FANCL: variants seen among roughly 807,000 people sequenced by gnomAD.
The protein encoded by FANCL is E3 ubiquitin-protein ligase FANCL.
FANCL carries 69 observed loss-of-function variants against 59.4 expected under a neutral mutation model. The ratio of observed to expected loss-of-function variants is 1.16; its 90% confidence interval spans 0.96 to 1.42. FANCL has a LOEUF of 1.42. FANCL is among the 40% of genes most tolerant of loss of function. FANCL has a pLI of 0.00. For missense variants in FANCL, 519 were observed against 447.2 expected (o/e 1.16, Z -1.45); for synonymous variants, 180 against 147.1 (o/e 1.22, Z -1.62).
intron 1 of FANCL, among the ~76,000 whole-genome samples, chr2:58,233,943 C>T (rs886510130): frequency 3.3e-5 from 5 of 152,006 alleles, no homozygotes; most frequent in African/African-American, 7.2e-5. Context: ...GGCTCTTATA[C>T]GAGTAAATAA....
intron 6 of FANCL, among the ~76,000 whole-genome samples, chr2:58,200,507 T>C (rs1689890544): frequency 6.6e-6 from 1 of 152,076 alleles, no homozygotes; most frequent in Non-Finnish European, 1.5e-5. Context: ...TTTATCTTAG[T>C]GATGCTGACA....
rs752366828 is a variant in FANCL, at chr2:58,163,090, A to C, written c.776-16T>G. 1.2e-6 allele frequency: 2 copies of C among 1,606,976 alleles called. No homozygotes were observed. The highest frequency in any genetic ancestry group is 1.1e-5 in the South Asian group (1 of 90,424). ...GGTTTTACCACTTCAGATTAAAAAA[A>C]AAAAATTTAATAATTGCATGCTCTA... On this transcript the variant is annotated splice_polypyrimidine_tract_variant and intron_variant, in intron 9 of 13. Coordinates refer to ENST00000233741, the MANE Select transcript of FANCL (RefSeq NM_018062.4).
intron 1 of FANCL, 57 bp downstream of exon 1, chr2:58,241,161 C>T: frequency 6.3e-7 from 1 of 1,584,792 alleles, no homozygotes; most frequent in Non-Finnish European, 8.7e-7. Context: ...CAGACTTCTC[C>T]GCGCAGCTAC....
At chr2:58,203,158 A>G (rs939305333) in intron 6 of FANCL, among the ~76,000 whole-genome samples, 1 of 151,894 alleles carries the variant, frequency 6.6e-6, no homozygotes, top group African/African-American at 2.4e-5. Context: ...GACTTATCAC[A>G]TATGGATCTT....
intron 7 of FANCL, among the ~76,000 whole-genome samples, chr2:58,180,063 C>G (rs1042007836): frequency 1.3e-5 from 2 of 152,154 alleles, no homozygotes; most frequent in Non-Finnish European, 2.9e-5. Context: ...ATTAAAAAGT[C>G]AGGAAACAAC....
chr2:58,238,321 G>C (rs944533608), intron 1 of FANCL, among the ~76,000 whole-genome samples: 1 of 152,186 alleles, frequency 6.6e-6, no homozygotes, highest in Non-Finnish European at 1.5e-5. Context: ...GATCATGAGA[G>C]ATTTTGATCA....
At position 58,222,023 on chromosome 2, in the gene FANCL, C is replaced by G. The variant is rs1482572600; in HGVS notation, c.293G>C (p.Arg98Thr). The G allele has an allele frequency of 1.2e-6, 2 of 1,613,220 alleles. No individual in the cohort carries two copies. The highest frequency in any genetic ancestry group is 2.2e-5 in the East Asian group (1 of 44,782). The change falls in exon 5 of 14, where the codon AGA becomes ACA. Residue 98 changes from arginine to threonine, a missense_variant. Arg to Thr is a moderately conservative substitution (Grantham distance 71, BLOSUM62 -1). Coordinates refer to ENST00000233741, the MANE Select transcript of FANCL (RefSeq NM_018062.4). ...AGGAGGTAGTGCATACAGCTCTTGT[C>G]TATTCTTTAAGGCAACTTCCTGTTT... The part of the protein sequence containing the change: ...KMLLEVALKN[R>T]QELYALPPPP...
At chr2:58,234,151 G>A (rs1403706621) in intron 1 of FANCL, among the ~76,000 whole-genome samples, 3 of 151,930 alleles carry the variant, frequency 2.0e-5, no homozygotes, top group African/African-American at 7.2e-5. Context: ...GAAACAAAAA[G>A]AGACTCACAA....
upstream of FANCL, chr2:58,241,350 C>T (rs372767610): frequency 1.3e-6 from 2 of 1,594,714 alleles, no homozygotes; most frequent in Non-Finnish European, 8.6e-7. Context: ...AAGCTCTAGA[C>T]CTGCTGGGTC....
intron 6 of FANCL, 142 bp from the exon 7 acceptor site, chr2:58,198,804 C>G (rs549590407): frequency 6.2e-6 from 4 of 642,618 alleles, no homozygotes; most frequent in East Asian, 6.0e-5. Flanking sequence ...CCGAGGCGGG[C>G]GGATCACAAG....
At chr2:58,229,075 T>C (rs564709100) in intron 3 of FANCL, among the ~76,000 whole-genome samples, 1 of 152,334 alleles carries the variant, frequency 6.6e-6, no homozygotes, top group Non-Finnish European at 1.5e-5. Flanking sequence ...TTATCTCCTA[T>C]ACTTCTTTGC....
intron 13 of FANCL, 92 bp downstream of exon 13, chr2:58,160,016 A>AGAT: frequency 6.3e-7 from 1 of 1,576,222 alleles, no homozygotes; most frequent in South Asian, 1.2e-5. Context: ...CAAAAGTTTT[A>AGAT]GATAAACTGA....
At position 58,198,647 on chromosome 2, in the gene FANCL, G is replaced by C. The variant is rs1461145052; in HGVS notation, c.487C>G (p.Pro163Ala). 1 of 1,613,592 alleles carries C rather than the reference G, an allele frequency of 6.2e-7. No homozygotes were observed. The highest frequency in any genetic ancestry group is 1.3e-5 in the African/African-American group (1 of 74,900). Residue 163 changes from proline to alanine, a missense_variant, in exon 7 of 14, where the codon CCA becomes GCA. By Grantham distance (27) the Pro-to-Ala change is conservative (BLOSUM62 -1). Transcript: ENST00000233741. ...ACAGGAAAATCCACAAAATAATCTG[G>C]TGATTCTGCAGGATACTATTAAAAA... ...KLKAKYPAESPDYFVDFPVPF... is the reference protein window; with the variant it reads ...KLKAKYPAESADYFVDFPVPF...
At chr2:58,218,058 T>C (rs13413755) in intron 5 of FANCL, among the ~76,000 whole-genome samples, 5,325 of 152,150 alleles carry the variant, frequency 0.035, 352 homozygotes, top group African/African-American at 0.12. Flanking sequence ...CTCCAGTTGT[T>C]TGAAAATTAA....
Position 58,163,036 on chromosome 2 carries a change from G to T in FANCL, c.814C>A (p.His272Asn). The T allele has an allele frequency of 6.2e-7, 1 of 1,612,492 alleles. No individual in the cohort carries two copies. The highest frequency in any genetic ancestry group is 8.5e-7 in the Non-Finnish European group (1 of 1,179,030). Residue 272 changes from histidine (H) to asparagine (N), a missense_variant, in exon 10 of 14, where the codon CAT becomes AAT. Physicochemically the swap from His to Asn is moderately conservative, Grantham distance 68 (BLOSUM62 1). Transcript: ENST00000233741. ...TATTGCCAAGGTACCTACCACAAATGTATGTTCCTGCTCAGCTTAATTCCC... is the reference window on the plus strand; with the variant it reads ...TATTGCCAAGGTACCTACCACAAATTTATGTTCCTGCTCAGCTTAATTCCC... ...PLGIKLSRNI[H>N]LWDPENSVLQ...
chr2:58,189,101 T>C (rs115672138), intron 7 of FANCL, among the ~76,000 whole-genome samples: 1,646 of 152,074 alleles, frequency 0.011, 42 homozygotes, highest in African/African-American at 0.038. Context: ...TGGTGGAAGG[T>C]TGAGAAGGAC....
chr2:58,184,703 T>A (rs1397562290), intron 7 of FANCL, among the ~76,000 whole-genome samples: 2 of 152,090 alleles, frequency 1.3e-5, no homozygotes, highest in Admixed American at 1.3e-4. Context: ...TAAACTGTCT[T>A]ATAGGAAGAA....
At chr2:58,187,505 T>C (rs1449284675) in intron 7 of FANCL, among the ~76,000 whole-genome samples, 2 of 151,850 alleles carry the variant, frequency 1.3e-5, no homozygotes, top group African/African-American at 4.8e-5. Flanking sequence ...ACATGGCCCA[T>C]GTATACATAT....
intron 7 of FANCL, among the ~76,000 whole-genome samples, chr2:58,195,705 GA>G (rs1174118837): frequency 1.3e-5 from 2 of 151,736 alleles, no homozygotes; most frequent in African/African-American, 2.4e-5. Context: ...ATAATAAAAG[GA>G]AAAAAATATA....
Sources: allele counts gnomAD v4.1 joint callset (sites outside exome capture counted in the v4.1 genomes callset), GRCh38; gene constraint gnomAD v4.1.1; transcripts MANE v1.5; gene names NCBI Gene and HGNC (gene_info 2026-07-23, HGNC 2026-07-21).